Variants in PIAS1 observed in about 807,000 individuals in gnomAD.
The protein encoded by PIAS1 is protein inhibitor of activated STAT 1, also known as E3 SUMO-protein ligase PIAS1.
A neutral mutation model predicts 71.3 loss-of-function variants in PIAS1; 6 were observed. That is an observed-to-expected ratio of 0.08 (90% confidence interval 0.05 to 0.17). The LOEUF is 0.17. Ranked by LOEUF, PIAS1 falls within the 10% of genes least tolerant of loss-of-function variation. The probability of loss-of-function intolerance (pLI) is 1.00; values close to 1 mark genes in which losing one functional copy is unlikely to be tolerated. For missense variants in PIAS1, 555 were observed against 793.6 expected, an observed-to-expected ratio of 0.70 and a Z score of 3.61; for synonymous variants, 303 against 292.9, an observed-to-expected ratio of 1.03 and a Z score of -0.35.
intron 2 of PIAS1, among the ~76,000 whole-genome samples, chr15:68,137,291 AG>A (rs1282488987): frequency 2.0e-5 from 3 of 152,212 alleles, no homozygotes; most frequent in Non-Finnish European, 2.9e-5. Context: ...ATGACTAATC[AG>A]GGGAGTAATT....
At chr15:68,088,200 A>C (rs1363266698) in intron 2 of PIAS1, among the ~76,000 whole-genome samples, 1 of 143,416 alleles carries the variant, frequency 7.0e-6, no homozygotes, top group Non-Finnish European at 1.5e-5. Flanking sequence ...ATATATATAT[A>C]TCCCATTTTA....
intron 2 of PIAS1, among the ~76,000 whole-genome samples, chr15:68,106,245 A>G (rs1013135784): frequency 1.4e-4 from 22 of 151,790 alleles, no homozygotes; most frequent in African/African-American, 4.8e-4. Flanking sequence ...AGAAATGAGA[A>G]TATGTATATT....
chr15:68,058,510 C>T (rs555297091), intron 1 of PIAS1, among the ~76,000 whole-genome samples: 12 of 152,114 alleles, frequency 7.9e-5, no homozygotes, highest in Non-Finnish European at 1.6e-4. Context: ...TGTAGTCCTC[C>T]TTAAAGGTCC....
chr15:68,072,716 T>G (rs1427684721), intron 1 of PIAS1, among the ~76,000 whole-genome samples: 2 of 152,206 alleles, frequency 1.3e-5, no homozygotes, highest in East Asian at 3.9e-4. Context: ...GTAGTGTCAA[T>G]TTTGTATTCA....
chr15:68,115,652 C>T lies in PIAS1; in HGVS notation c.470-26294C>T, dbSNP rs948683773. Among the ~76,000 whole-genome samples, 3 of 152,078 alleles carry T rather than the reference C, an allele frequency of 2.0e-5. No homozygotes were observed. In the East Asian group the frequency reaches 5.8e-4, roughly 29 times the overall value. On this transcript the variant is annotated intron_variant, in intron 2 of 13. Coordinates refer to ENST00000249636, the MANE Select transcript of PIAS1 (RefSeq NM_016166.3). ...GGAAAACATTGATTCTTTCACGTCT[C>T]AGTAAAGTGTTTCCTGTAAATTTTC...
rs1481706977 is a variant in PIAS1 at position 68,185,082 on chromosome 15, T to C, written c.1662+1415T>C. Reference sequence around the variant, plus strand: ...AATGCTCCCACACATCCTCATTTCATTGGTGATCTTCATCCCAATATCAAA... The same window carrying C: ...AATGCTCCCACACATCCTCATTTCACTGGTGATCTTCATCCCAATATCAAA... On this transcript the variant is annotated intron_variant, in intron 13 of 13. Transcript: ENST00000249636. The surrounding 1 kb of genome is among the most constrained non-coding windows in gnomAD (Gnocchi z 4.4). 3.9e-5 allele frequency: 6 copies of C among 152,506 alleles called. No homozygotes were observed. Among genetic ancestry groups the C allele is most frequent in the Admixed American group, 3.9e-4 (6 of 15,290 alleles). 9.4% of individuals were successfully genotyped at this position (152,506 alleles called of 1,614,324 possible). A position where few individuals can be genotyped will look rare whatever the true frequency, so the allele number is the denominator to read the frequency against.
At chr15:68,131,061 C>A (rs2092685002) in intron 2 of PIAS1, among the ~76,000 whole-genome samples, 1 of 152,066 alleles carries the variant, frequency 6.6e-6, no homozygotes, top group Admixed American at 6.6e-5. Flanking sequence ...CACACAATTA[C>A]TGAATGACAG....
chr15:68,077,645 A>G (rs1296871716), intron 1 of PIAS1, among the ~76,000 whole-genome samples: 2 of 152,208 alleles, frequency 1.3e-5, no homozygotes, highest in Admixed American at 6.5e-5. Context: ...GTTTTAGACA[A>G]GAAGATCTTT....
At chr15:68,114,518 A>C (rs907997578) in intron 2 of PIAS1, among the ~76,000 whole-genome samples, 1 of 152,110 alleles carries the variant, frequency 6.6e-6, no homozygotes, top group Non-Finnish European at 1.5e-5. Flanking sequence ...GGTTCATTAA[A>C]GATTGTAAGG....
rs1383072012 is a variant in PIAS1, at chr15:68,088,184, A to ATATATATATATATC, written c.469+1447_469+1448insCTATATATATATAT. ...TGTCTGATTATGTGTGTGTATATAT[A>ATATATATATATATC]TATATATATATATATATCCCATTTT... On this transcript the variant is annotated intron_variant, in intron 2 of 13. Coordinates refer to ENST00000249636, the MANE Select transcript of PIAS1 (RefSeq NM_016166.3). Among the ~76,000 whole-genome samples, 94 of 138,832 alleles carry ATATATATATATATC rather than the reference A, an allele frequency of 6.8e-4. 2 individuals carry two copies. Among genetic ancestry groups the ATATATATATATATC allele is most frequent in the Non-Finnish European group, 1.2e-3 (80 of 64,670 alleles). The allele number at this position is 138,832 out of a possible 152,430, so 91.1% of individuals were successfully genotyped here. A position where few individuals can be genotyped will look rare whatever the true frequency, so the allele number is the denominator to read the frequency against.
intron 1 of PIAS1, among the ~76,000 whole-genome samples, chr15:68,065,892 C>T (rs73423736): frequency 0.02 from 2,763 of 139,680 alleles, 84 homozygotes; most frequent in African/African-American, 0.072. Flanking sequence ...AGGTGCTTGC[C>T]ACCATGCTCA....
rs1555431446 is a variant in PIAS1, at chr15:68,151,707, C to CAA, written c.829-1881_829-1880dup. Among the ~76,000 whole-genome samples, 385 of 134,486 alleles carry CAA rather than the reference C, an allele frequency of 2.9e-3. 4 individuals carry two copies. Among genetic ancestry groups the CAA allele is most frequent in the African/African-American group, 6.8e-3 (245 of 36,218 alleles). 88.2% of individuals were successfully genotyped at this position (134,486 alleles called of 152,430 possible). On this transcript the variant is annotated intron_variant, in intron 6 of 13. Coordinates refer to ENST00000249636, the MANE Select transcript of PIAS1 (RefSeq NM_016166.3). Reference sequence around the variant, plus strand: ...AAACACACACACACACACACACACACAAATTAGCTAGATATGGTGGTGCAC... The same window carrying CAA: ...AAACACACACACACACACACACACACAAAAATTAGCTAGATATGGTGGTGCAC...
chr15:68,165,017 T>C (rs2141078318), intron 8 of PIAS1, among the ~76,000 whole-genome samples: 2 of 152,362 alleles, frequency 1.3e-5, no homozygotes, highest in East Asian at 1.9e-4. Flanking sequence ...TATCTAAATA[T>C]GGCCTGTGAT....
intron 8 of PIAS1, among the ~76,000 whole-genome samples, chr15:68,170,187 T>C (rs2092983007): frequency 2.0e-5 from 3 of 152,242 alleles, no homozygotes; most frequent in Non-Finnish European, 4.4e-5. Context: ...CAATCAGTTT[T>C]GCATGCCTTA....
chr15:68,090,927 G>GGTGGGT (rs1555425135), intron 2 of PIAS1, among the ~76,000 whole-genome samples: 72 of 142,854 alleles, frequency 5.0e-4, no homozygotes, highest in African/African-American at 1.9e-3. Context: ...GTCATTTACG[G>GGTGGGT]GTGTGTGTGT....
At chr15:68,078,283 A>G (rs2092192394) in intron 1 of PIAS1, among the ~76,000 whole-genome samples, 1 of 152,098 alleles carries the variant, frequency 6.6e-6, no homozygotes, top group South Asian at 2.1e-4. Context: ...TCTTTGCAGT[A>G]TTTCTTGGTC....
At position 68,133,184 on chromosome 15, in the gene PIAS1, A is replaced by G. The variant is rs2092699242; in HGVS notation, c.470-8762A>G. On this transcript the variant is annotated intron_variant, in intron 2 of 13. Transcript: ENST00000249636. ...TAGGGTATTCTATGAATGTTTATTC[A>G]ATCATTCTTCTATTGGTAGGTATTT... Among the ~76,000 whole-genome samples, 8 of 152,192 alleles carry G rather than the reference A, an allele frequency of 5.3e-5. No homozygotes were observed. In the South Asian group the frequency reaches 1.7e-3, roughly 32 times the overall value.
chr15:68,092,726 C>T (rs891994611), intron 2 of PIAS1, among the ~76,000 whole-genome samples: 3 of 152,084 alleles, frequency 2.0e-5, no homozygotes, highest in African/African-American at 7.2e-5. Flanking sequence ...CTTTCATTTG[C>T]CCCCTTTCAC....
intron 2 of PIAS1, among the ~76,000 whole-genome samples, chr15:68,131,124 G>T (rs538348842): frequency 6.6e-6 from 1 of 152,224 alleles, no homozygotes; most frequent in South Asian, 2.1e-4. Context: ...AGCTTATTTG[G>T]AGTTTAAATA....
Sources: gnomAD v4.1 joint callset for allele counts (sites outside exome capture counted in the v4.1 genomes callset) on GRCh38, gnomAD v4.1.1 for gene constraint, Gnocchi (gnomAD v3.1) non-coding constraint, MANE v1.5 for transcripts, NCBI Gene and HGNC (gene_info 2026-07-23, HGNC 2026-07-21) for gene names.